GLRA2: variants seen among roughly 807,000 people sequenced by gnomAD.
GLRA2 encodes the protein glycine receptor subunit alpha-2.
GLRA2 carries 11 observed loss-of-function variants against 31.6 expected under a neutral mutation model. The observed-to-expected ratio is 0.35, with a 90% CI of 0.22 to 0.58. GLRA2 has a LOEUF of 0.58. Ranked by LOEUF, GLRA2 falls within the 20% of genes least tolerant of loss-of-function variation. The pLI is 0.84. For synonymous variants in GLRA2, 132 were observed against 134.0 expected (o/e 0.99, Z 0.10); for missense variants, 212 against 351.8 (o/e 0.60, Z 3.18).
intron 7 of GLRA2, among the ~76,000 whole-genome samples, chrX:14,686,130 G>GT (rs1171125085): frequency 8.9e-6 from 1 of 111,951 alleles, no homozygotes; most frequent in Non-Finnish European, 1.9e-5. Flanking sequence ...TTTTGAGTGA[G>GT]TTTCTTAATC....
At chrX:14,491,368 A>G in the GLRA2 span, among the ~76,000 whole-genome samples, 7 of 111,745 alleles carry the variant, frequency 6.3e-5, no homozygotes, top group Non-Finnish European at 9.4e-5. Context: ...CTATTACTAA[A>G]GTCACCTTAG....
intron 2 of GLRA2, among the ~76,000 whole-genome samples, chrX:14,536,264 T>C (rs1047572826): frequency 2.7e-5 from 3 of 112,320 alleles, no homozygotes; most frequent in Admixed American, 1.9e-4. Context: ...ATTTTGCCCC[T>C]GGAAAATGAT....
At chrX:14,480,301 A>T in the GLRA2 span, among the ~76,000 whole-genome samples, 1 of 111,518 alleles carries the variant, frequency 9.0e-6, no homozygotes, top group African/African-American at 3.3e-5. Context: ...TATTTCCTCC[A>T]ATTCCGTAGG....
intron 7 of GLRA2, among the ~76,000 whole-genome samples, chrX:14,623,347 C>T (rs2090545625): frequency 9.0e-6 from 1 of 111,251 alleles, no homozygotes; most frequent in Non-Finnish European, 1.9e-5. Context: ...TTATTTCTTT[C>T]TCCTGCCTGA....
chrX:14,667,999 C>G (rs1352969905), intron 7 of GLRA2, among the ~76,000 whole-genome samples: 1 of 112,157 alleles, frequency 8.9e-6, no homozygotes, highest in African/African-American at 3.2e-5. Flanking sequence ...GAGTCTCCCA[C>G]AAGGCTGAAA....
chrX:14,720,687 C>G (rs1000622060), intron 8 of GLRA2, among the ~76,000 whole-genome samples: 1 of 111,816 alleles, frequency 8.9e-6, no homozygotes, highest in African/African-American at 3.3e-5. Flanking sequence ...TTTGAAACAT[C>G]TTTCTTTTTC....
chrX:14,516,903 C>A, the GLRA2 span, among the ~76,000 whole-genome samples: 120 of 111,846 alleles, frequency 1.1e-3, no homozygotes, highest in African/African-American at 3.8e-3. Context: ...TCCAGTTGAA[C>A]CTTCAGATGA....
chrX:14,727,426 C>G (rs2091941252), intron 8 of GLRA2, among the ~76,000 whole-genome samples: 4 of 112,064 alleles, frequency 3.6e-5, no homozygotes, highest in Admixed American at 9.5e-5. Flanking sequence ...TCTCTCTTTA[C>G]TAAACCAACT....
chrX:14,729,865 G>T (rs41309691), intron 8 of GLRA2, among the ~76,000 whole-genome samples: 6,993 of 111,720 alleles, frequency 0.063, 271 homozygotes, highest in African/African-American at 0.13. Flanking sequence ...GTAACACTGG[G>T]ATTTGGAGAA....
intron 7 of GLRA2, among the ~76,000 whole-genome samples, chrX:14,618,194 G>A (rs1027214399): frequency 1.8e-5 from 2 of 111,896 alleles, no homozygotes; most frequent in African/African-American, 3.2e-5. Context: ...TCCATAAGAA[G>A]AAGCCTCAAT....
chrX:14,537,985 A>G (rs2089347881), intron 2 of GLRA2, among the ~76,000 whole-genome samples: 1 of 107,314 alleles, frequency 9.3e-6, no homozygotes, highest in African/African-American at 3.4e-5. Flanking sequence ...TGTGTGCTGT[A>G]TGAACACCAA....
chrX:14,642,918 C>T (rs1253512304), intron 7 of GLRA2, among the ~76,000 whole-genome samples: 1 of 111,003 alleles, frequency 9.0e-6, no homozygotes, highest in Non-Finnish European at 1.9e-5. Flanking sequence ...GTACAGTTGA[C>T]CCTAAAATAG....
the GLRA2 span, among the ~76,000 whole-genome samples, chrX:14,453,205 A>G: frequency 8.9e-6 from 1 of 112,084 alleles, no homozygotes; most frequent in Non-Finnish European, 1.9e-5. Context: ...ATCTTGTTTT[A>G]GATTTAGAAT....
intron 8 of GLRA2, among the ~76,000 whole-genome samples, chrX:14,696,551 T>C (rs1483394916): frequency 9.0e-6 from 1 of 111,563 alleles, no homozygotes; most frequent in African/African-American, 3.3e-5. Flanking sequence ...GACATTAGTA[T>C]GAGTGTTGGG....
chrX:14,527,453 A>G (rs778226180), upstream of GLRA2, among the ~76,000 whole-genome samples: 4 of 110,814 alleles, frequency 3.6e-5, no homozygotes, highest in East Asian at 1.1e-3. Context: ...TGTCTCTATT[A>G]AAAATACAAA....
At chrX:14,504,117 G>A in the GLRA2 span, among the ~76,000 whole-genome samples, 1 of 111,811 alleles carries the variant, frequency 8.9e-6, no homozygotes, top group Admixed American at 9.5e-5. Flanking sequence ...CCCACAGTAT[G>A]TTTACGACAT....
chrX:14,568,299 A>G (rs762304360), intron 2 of GLRA2, among the ~76,000 whole-genome samples: 39 of 112,242 alleles, frequency 3.5e-4, no homozygotes, highest in African/African-American at 1.2e-3. Context: ...ATAGAATAAA[A>G]TTGATAGTTC....
the GLRA2 span, among the ~76,000 whole-genome samples, chrX:14,493,509 A>G: frequency 9.5e-6 from 1 of 105,432 alleles, no homozygotes; most frequent in Non-Finnish European, 1.9e-5. Flanking sequence ...CTGAACATAT[A>G]TATATATATA....
At chrX:14,450,864 C>G in the GLRA2 span, among the ~76,000 whole-genome samples, 7 of 111,541 alleles carry the variant, frequency 6.3e-5, no homozygotes, top group South Asian at 3.8e-4. Flanking sequence ...GTGCACACCA[C>G]CACACCCAGC....
Sources: allele counts gnomAD v4.1 joint callset (sites outside exome capture counted in the v4.1 genomes callset), GRCh38; gene constraint gnomAD v4.1.1; transcripts MANE v1.5; gene names NCBI Gene and HGNC (gene_info 2026-07-23, HGNC 2026-07-21).